The following CFTR variants were observed in gnomAD, a reference collection of about 807,000 sequenced individuals.
The protein encoded by CFTR is cystic fibrosis transmembrane conductance regulator.
CFTR carries 181 observed loss-of-function variants against 171.6 expected under a neutral mutation model. The observed-to-expected ratio is 1.05, with a 90% CI of 0.93 to 1.19. CFTR has a LOEUF of 1.19. Among genes scored for constraint, CFTR ranks in the 50% most tolerant of loss-of-function variants. The pLI, the probability that CFTR is intolerant of heterozygous loss-of-function variation, is 0.00. For synonymous variants in CFTR, 583 were observed against 608.0 expected, an observed-to-expected ratio of 0.96 and a Z score of 0.60; for missense variants, 1,968 against 1,734.7, an observed-to-expected ratio of 1.13 and a Z score of -2.39.
intron 19 of CFTR, 152 bp from the exon 20 acceptor site, chr7:117,611,429 C>A (rs1431409713): frequency 4.7e-6 from 3 of 640,536 alleles, no homozygotes; most frequent in East Asian, 5.5e-5. Flanking sequence ...CATATCTATT[C>A]AAAGAATGGC....
intron 3 of CFTR, among the ~76,000 whole-genome samples, chr7:117,514,525 A>G (rs1798570007): frequency 6.6e-6 from 1 of 152,158 alleles, no homozygotes; most frequent in East Asian, 1.9e-4. Context: ...TCCATGATGT[A>G]TATGTACCAC....
At chr7:117,556,530 T>G (rs1390208926) in intron 10 of CFTR, among the ~76,000 whole-genome samples, 70 of 129,444 alleles carry the variant, frequency 5.4e-4, no homozygotes, top group Admixed American at 7.6e-4. Flanking sequence ...TTTTTTTTTT[T>G]TTTTTTTGAG....
intron 24 of CFTR, among the ~76,000 whole-genome samples, chr7:117,657,131 A>C (rs942522162): frequency 7.2e-5 from 11 of 152,206 alleles, no homozygotes; most frequent in Non-Finnish European, 1.5e-4. Flanking sequence ...GAGGGAAGAC[A>C]TTAGCCTTTA....
chr7:117,581,994 G>A (rs927783918), intron 11 of CFTR, among the ~76,000 whole-genome samples: 2 of 151,940 alleles, frequency 1.3e-5, no homozygotes, highest in Non-Finnish European at 2.9e-5. Context: ...GGGCTCCAGC[G>A]ATTCACCTGC....
At chr7:117,644,690 C>T (rs1208864134) in intron 23 of CFTR, among the ~76,000 whole-genome samples, 1 of 152,128 alleles carries the variant, frequency 6.6e-6, no homozygotes, top group South Asian at 2.1e-4. Context: ...TTTGGCAGGT[C>T]CTTGCAGGTG....
At chr7:117,546,060 C>G (rs1345484776) in intron 9 of CFTR, among the ~76,000 whole-genome samples, 1 of 152,042 alleles carries the variant, frequency 6.6e-6, no homozygotes, top group African/African-American at 2.4e-5. Context: ...GTGGTGCGAT[C>G]TTGGCTCACT....
rs1413926814 is a variant in CFTR, at chr7:117,535,380, G to C, written c.712G>C (p.Ala238Pro). 1.9e-6 allele frequency: 3 copies of C among 1,613,946 alleles called. No individual in the cohort carries two copies. The highest frequency in any genetic ancestry group is 2.2e-5 in the South Asian group (2 of 91,082). The stretch of plus-strand genomic sequence containing the variant: ...CCTGATAGTCCTTGCCCTTTTTCAG[G>C]CTGGGCTAGGGAGAATGATGATGAA... ...GFLIVLALFQ[A>P]GLGRMMMKYR... The change falls in exon 6 of 27, where the codon GCT becomes CCT. Residue 238 changes from alanine to proline, a missense_variant. Transcript: ENST00000003084.
chr7:117,624,130 T>A (rs1045798971), intron 21 of CFTR, among the ~76,000 whole-genome samples: 4 of 152,174 alleles, frequency 2.6e-5, no homozygotes, highest in African/African-American at 9.7e-5. Context: ...TTTCTGTGAT[T>A]GAGTTTATTT....
chr7:117,644,157 C>A (rs34464201), intron 23 of CFTR, among the ~76,000 whole-genome samples: 5,532 of 151,708 alleles, frequency 0.036, 136 homozygotes, highest in African/African-American at 0.047. Flanking sequence ...GCTGGATGAT[C>A]TTGATATCGA....
chr7:117,548,848 A>G, intron 10 of CFTR, 25 bp downstream of exon 10: 7 of 1,596,582 alleles, frequency 4.4e-6, no homozygotes, highest in Non-Finnish European at 6.0e-6. Flanking sequence ...CTTCACTATT[A>G]AGAACTTAAT....
chr7:117,580,142 T>C (rs1791828687), intron 11 of CFTR, among the ~76,000 whole-genome samples: 1 of 151,976 alleles, frequency 6.6e-6, no homozygotes, highest in Non-Finnish European at 1.5e-5. Flanking sequence ...GGTCTATGGA[T>C]AGTGCAAAAG....
intron 3 of CFTR, among the ~76,000 whole-genome samples, chr7:117,522,179 A>G (rs1798695060): frequency 6.6e-6 from 1 of 152,190 alleles, no homozygotes; most frequent in Non-Finnish European, 1.5e-5. Flanking sequence ...TTCTGAACTC[A>G]TACTGTTCAG....
chr7:117,516,749 A>G (rs180824836), intron 3 of CFTR, among the ~76,000 whole-genome samples: 1 of 152,276 alleles, frequency 6.6e-6, no homozygotes, highest in Admixed American at 6.5e-5. Flanking sequence ...AATGTGAAAT[A>G]AGCACATCAT....
chr7:117,531,874 G>A (rs1048395640), intron 4 of CFTR, among the ~76,000 whole-genome samples: 2 of 152,104 alleles, frequency 1.3e-5, no homozygotes, highest in Admixed American at 6.6e-5. Flanking sequence ...TTTGGATATT[G>A]CTTTACCCTT....
At chr7:117,493,996 T>C (rs1328365468) in intron 1 of CFTR, among the ~76,000 whole-genome samples, 1 of 152,106 alleles carries the variant, frequency 6.6e-6, no homozygotes, top group Non-Finnish European at 1.5e-5. Flanking sequence ...AGAGAAAAAT[T>C]CCAGAATCGA....
At chr7:117,566,387 A>G (rs2115960032) in intron 11 of CFTR, among the ~76,000 whole-genome samples, 1 of 152,136 alleles carries the variant, frequency 6.6e-6, no homozygotes, top group East Asian at 1.9e-4. Context: ...GTGAGCTGAG[A>G]TTGCGCCACT....
At chr7:117,496,193 T>G (rs750209259) in intron 1 of CFTR, among the ~76,000 whole-genome samples, 2 of 152,130 alleles carry the variant, frequency 1.3e-5, no homozygotes, top group Non-Finnish European at 2.9e-5. Flanking sequence ...GTAGCGTGTA[T>G]CAGTGCATCA....
chr7:117,664,819 G>T lies in CFTR; in HGVS notation c.4095G>T (p.Lys1365Asn), dbSNP rs759891255. The change falls in exon 25 of 27, where the codon AAG becomes AAT. Residue 1365 changes from lysine to asparagine, a missense_variant. By Grantham distance (94) the Lys-to-Asn change is moderately conservative (BLOSUM62 0). Coordinates refer to ENST00000003084, the MANE Select transcript of CFTR (RefSeq NM_000492.4). ...CTAGATCTGTTCTCAGTAAGGCGAAGATCTTGCTGCTTGATGAACCCAGTG... is the reference window on the plus strand; with the variant it reads ...CTAGATCTGTTCTCAGTAAGGCGAATATCTTGCTGCTTGATGAACCCAGTG... ...CLARSVLSKAKILLLDEPSAH... is the reference protein window; with the variant it reads ...CLARSVLSKANILLLDEPSAH... 1 of 1,613,952 alleles carries T rather than the reference G, an allele frequency of 6.2e-7. No individual in the cohort carries two copies. Among genetic ancestry groups the T allele is most frequent in the African/African-American group, 1.3e-5 (1 of 74,922 alleles).
chr7:117,605,111 G>A (rs1010394738), intron 17 of CFTR: 2 of 152,140 alleles, frequency 1.3e-5, no homozygotes, highest in Non-Finnish European at 2.9e-5. Flanking sequence ...CCTTCTGTGG[G>A]GTTTTGTTCC....
Sources: gnomAD v4.1 joint callset for allele counts (sites outside exome capture counted in the v4.1 genomes callset) on GRCh38, gnomAD v4.1.1 for gene constraint, MANE v1.5 for transcripts, NCBI Gene and HGNC (gene_info 2026-07-23, HGNC 2026-07-21) for gene names.